The following OTOP2 variants were observed in gnomAD, a reference collection of about 807,000 sequenced individuals.
OTOP2 encodes the protein otopetrin 2.
Under a neutral mutation model 47.4 loss-of-function variants are expected in OTOP2, and 41 were observed. The ratio of observed to expected loss-of-function variants is 0.87; its 90% confidence interval spans 0.67 to 1.12. The LOEUF (loss-of-function observed/expected upper bound fraction) is 1.12, where lower values mean the gene tolerates loss of function less well. OTOP2 is among the 50% of genes most tolerant of loss of function. OTOP2 has a pLI of 0.00. For synonymous variants in OTOP2, 328 were observed against 319.6 expected (o/e 1.03, Z -0.28); for missense variants, 721 against 752.2 (o/e 0.96, Z 0.49).
chr17:74,926,213 C>T (rs2039007051), intron 3 of OTOP2, among the ~76,000 whole-genome samples: 1 of 152,166 alleles, frequency 6.6e-6, no homozygotes, highest in African/African-American at 2.4e-5. Flanking sequence ...AGAACAGCCC[C>T]CAGCCCTCTA....
intron 3 of OTOP2, 95 bp downstream of exon 3, chr17:74,925,787 C>T: frequency 2.0e-6 from 3 of 1,537,774 alleles, no homozygotes; most frequent in East Asian, 4.5e-5. Context: ...GCTCCATCCG[C>T]CTCGTATCCT....
chr17:74,933,772 A>C lies in OTOP2; in HGVS notation c.*227A>C, dbSNP rs1316304317. The C allele has an allele frequency of 8.6e-6, 4 of 466,196 alleles. No homozygotes were observed. Among genetic ancestry groups the C allele is most frequent in the African/African-American group, 7.7e-5 (4 of 51,988 alleles). 28.9% of individuals were successfully genotyped at this position (466,196 alleles called of 1,614,324 possible). A position where few individuals can be genotyped will look rare whatever the true frequency, so the allele number is the denominator to read the frequency against. On this transcript the variant is annotated 3_prime_UTR_variant, in exon 7 of 7. Transcript: ENST00000331427. The surrounding 1 kb of genome is among the most constrained non-coding windows in gnomAD (Gnocchi z 4.7). ...CCGTGGGGCATGAGGTGACTGGGGA[A>C]GGGAGACCTCTCCTGGCAGCATTTC... is the stretch of plus-strand genomic sequence containing the variant.
At chr17:74,925,511 G>A in intron 2 of OTOP2, 45 bp from the exon 3 acceptor site, 1 of 1,603,442 alleles carries the variant, frequency 6.2e-7, no homozygotes, top group Non-Finnish European at 8.5e-7. Context: ...CTTCTCTCCT[G>A]CCTCTTTGAT....
At chr17:74,931,942 T>G in intron 6 of OTOP2, among the ~76,000 whole-genome samples, 1 of 117,528 alleles carries the variant, frequency 8.5e-6, no homozygotes, top group East Asian at 2.3e-4. Context: ...TGCAACAGAG[T>G]GACACTCTGT....
Position 74,930,677 on chromosome 17 carries a change from A to G in OTOP2, c.1042A>G (p.Ile348Val), listed in dbSNP as rs2039048227. 6.2e-7 allele frequency: 1 copy of G among 1,613,922 alleles called. No homozygotes were observed. The highest frequency in any genetic ancestry group is 1.3e-5 in the African/African-American group (1 of 74,892). The change falls in exon 6 of 7, where the codon ATC becomes GTC. Residue 348 changes from isoleucine to valine, a missense_variant. Coordinates refer to ENST00000331427, the MANE Select transcript of OTOP2 (RefSeq NM_178160.3). This position sits in a 1 kb window ranked among gnomAD's most constrained non-coding sequence, Gnocchi z 4.0. ...CACCTTGGTCAGCCTGAGCGGCTCC[A>G]TCATCTACCGTTTTGACCGCCGGGC... Reference protein sequence around the residue: ...LTTLVSLSGSIIYRFDRRAMD... With the variant: ...LTTLVSLSGSVIYRFDRRAMD...
chr17:74,928,014 G>A, intron 5 of OTOP2: 1 of 608,000 alleles, frequency 1.6e-6, no homozygotes, highest in Non-Finnish European at 2.7e-6. Flanking sequence ...TGAGGCTGCA[G>A]CCCAGGCCCC....
rs34788249 is a variant in OTOP2 at position 74,933,465 on chromosome 17, G to A, written c.1609G>A (p.Val537Ile). The A allele has an allele frequency of 9.2e-3, 14,876 of 1,614,154 alleles. 94 individuals are homozygous for A. Among genetic ancestry groups the A allele is most frequent in the Middle Eastern group, 0.013 (76 of 6,062 alleles). Residue 537 changes from valine to isoleucine, a missense_variant, in exon 7 of 7, where the codon GTC becomes ATC. Coordinates refer to ENST00000331427, the MANE Select transcript of OTOP2 (RefSeq NM_178160.3). The surrounding 1 kb of genome is among the most constrained non-coding windows in gnomAD (Gnocchi z 4.7). ...CGGCTACTCCCTCTGGGCGGTCATC[G>A]TCAACATCTGCCTCCCTTTCGGCAT... is the stretch of plus-strand genomic sequence containing the variant. The part of the protein sequence containing the change: ...FYGYSLWAVI[V>I]NICLPFGIFY...
Position 74,930,299 on chromosome 17 carries a change from G to A in OTOP2, c.664G>A (p.Gly222Arg), listed in dbSNP as rs760162062. ...ISDQHADNPV[G>R]GDSCLCSTAV... Reference sequence around the variant, plus strand: ...AACAGAGCATGCAGACAACCCGGTCGGAGGAGACTCCTGCCTCTGCAGCAC... The same window carrying A: ...AACAGAGCATGCAGACAACCCGGTCAGAGGAGACTCCTGCCTCTGCAGCAC... Residue 222 changes from glycine (G) to arginine (R), a missense_variant, in exon 6 of 7, where the codon GGA (glycine) becomes AGA (arginine). Physicochemically the swap from Gly to Arg is moderately radical, Grantham distance 125. Transcript: ENST00000331427. The surrounding 1 kb of genome is among the most constrained non-coding windows in gnomAD (Gnocchi z 4.0). 79 of 1,613,232 alleles carry A rather than the reference G, an allele frequency of 4.9e-5. No individual in the cohort carries two copies. Among genetic ancestry groups the A allele is most frequent in the Non-Finnish European group, 6.0e-5 (71 of 1,179,334 alleles).
rs1567945811 is a variant in OTOP2 at position 74,931,009 on chromosome 17, C to CCT, written c.1374_1375insCT (p.Ala459LeufsTer36). ...ACCTGGATGCCCTCCACACGTTGTCCGCCTGCCCACCCAACCCCGGGCTGG... is the reference window on the plus strand; with the variant it reads ...ACCTGGATGCCCTCCACACGTTGTCCCTGCCTGCCCACCCAACCCCGGGCTGG... On this transcript the variant is annotated frameshift_variant, in exon 6 of 7. Coordinates refer to ENST00000331427, the MANE Select transcript of OTOP2 (RefSeq NM_178160.3). LOFTEE classifies it high-confidence loss of function. 6.2e-7 allele frequency: 1 copy of CCT among 1,614,114 alleles called. No homozygotes were observed. Among genetic ancestry groups the CCT allele is most frequent in the Middle Eastern group, 1.6e-4 (1 of 6,062 alleles).
At chr17:74,925,077 G>T (rs1598590479) in intron 2 of OTOP2, 132 bp downstream of exon 2, 3 of 1,180,840 alleles carry the variant, frequency 2.5e-6, no homozygotes, top group East Asian at 5.2e-5. Context: ...AGGAGGACCG[G>T]AGGGTGAAGT....
chr17:74,925,010 C>G, intron 2 of OTOP2, 65 bp downstream of exon 2: 1 of 1,464,946 alleles, frequency 6.8e-7, no homozygotes. Flanking sequence ...AGGGCTCTCG[C>G]AGGAGTTGCA....
At position 74,931,166 on chromosome 17, in the gene OTOP2, G is replaced by A. The variant is rs746419876; in HGVS notation, c.1518+13G>A. 6.4e-7 allele frequency: 1 copy of A among 1,565,836 alleles called. No individual in the cohort carries two copies. Among genetic ancestry groups the A allele is most frequent in the African/African-American group, 1.4e-5 (1 of 73,790 alleles). ...CTGCAATGTCATTGTGAGTAGCTGG[G>A]GGGAGAAAGGGTGGGCTTGGGAGAA... On this transcript the variant is annotated intron_variant, in intron 6 of 6. Transcript: ENST00000331427.
rs1038802863 is a variant in OTOP2 at position 74,924,444 on chromosome 17, T to TC, written c.-34+113dup. 1 of 629,098 alleles carries TC rather than the reference T, an allele frequency of 1.6e-6. No homozygotes were observed. Among genetic ancestry groups the TC allele is most frequent in the African/African-American group, 1.9e-5 (1 of 53,652 alleles). 39.0% of individuals were successfully genotyped at this position (629,098 alleles called of 1,614,324 possible). A position where few individuals can be genotyped will look rare whatever the true frequency, so the allele number is the denominator to read the frequency against. On this transcript the variant is annotated intron_variant, in intron 1 of 6. Transcript: ENST00000331427. This position sits in a 1 kb window ranked among gnomAD's most constrained non-coding sequence, Gnocchi z 7.7. Reference sequence around the variant, plus strand: ...TTCCCATCCAGCGAGAGGGGCAGGTTCCGCATTTTCTCTTCCCCTTTCCCA... The same window carrying TC: ...TTCCCATCCAGCGAGAGGGGCAGGTTCCCGCATTTTCTCTTCCCCTTTCCCA...
Position 74,930,743 on chromosome 17 carries a change from G to A in OTOP2, c.1108G>A (p.Ala370Thr). ...HKNPTRTLDV[A>T]LLMGAALGQY... is the part of the protein sequence containing the mutation. ...GAACCCCACGCGCACTCTGGACGTG[G>A]CCCTGCTGATGGGTGCCGCCCTGGG... Residue 370 changes from alanine (A) to threonine (T), a missense_variant, in exon 6 of 7, where the codon GCC becomes ACC. Transcript: ENST00000331427. This position sits in a 1 kb window ranked among gnomAD's most constrained non-coding sequence, Gnocchi z 4.0. 1 of 1,614,076 alleles carries A rather than the reference G, an allele frequency of 6.2e-7. No individual in the cohort carries two copies. Among genetic ancestry groups the A allele is most frequent in the African/African-American group, 1.3e-5 (1 of 75,004 alleles).
Position 74,930,208 on chromosome 17 carries a change from C to A in OTOP2, c.644-71C>A. On this transcript the variant is annotated intron_variant, in intron 5 of 6. Transcript: ENST00000331427. This position sits in a 1 kb window ranked among gnomAD's most constrained non-coding sequence, Gnocchi z 4.0. ...CAAAACAAAACAAAAAAAAAAAGGT[C>A]ACAGGCTAGGGGTGAGACCTCTCTA... The A allele has an allele frequency of 6.7e-7, 1 of 1,482,624 alleles. No homozygotes were observed. Among genetic ancestry groups the A allele is most frequent in the South Asian group, 1.3e-5 (1 of 74,094 alleles). 91.8% of individuals were successfully genotyped at this position (1,482,624 alleles called of 1,614,324 possible). A position where few individuals can be genotyped will look rare whatever the true frequency, so the allele number is the denominator to read the frequency against.
chr17:74,930,113 G>T lies in OTOP2; in HGVS notation c.644-166G>T, dbSNP rs1180109934. ...CAGGAGAATGGCTTGAATCCGGGAGGTGAAGCTTGCAGTGAGCCAAGATCA... is the reference window on the plus strand; with the variant it reads ...CAGGAGAATGGCTTGAATCCGGGAGTTGAAGCTTGCAGTGAGCCAAGATCA... On this transcript the variant is annotated intron_variant, in intron 5 of 6. Coordinates refer to ENST00000331427, the MANE Select transcript of OTOP2 (RefSeq NM_178160.3). This position sits in a 1 kb window ranked among gnomAD's most constrained non-coding sequence, Gnocchi z 4.0. Among the ~76,000 whole-genome samples, 2 of 152,132 alleles carry T rather than the reference G, an allele frequency of 1.3e-5. No homozygotes were observed. Among genetic ancestry groups the T allele is most frequent in the Non-Finnish European group, 2.9e-5 (2 of 68,016 alleles).
chr17:74,931,510 T>C (rs919969198), intron 6 of OTOP2, among the ~76,000 whole-genome samples: 1 of 152,156 alleles, frequency 6.6e-6, no homozygotes, highest in African/African-American at 2.4e-5. Flanking sequence ...TCCTGGGAAC[T>C]TGTGATCTGC....
chr17:74,927,368 C>A (rs1244204677), intron 4 of OTOP2, 87 bp downstream of exon 4: 13 of 1,445,776 alleles, frequency 9.0e-6, no homozygotes, highest in Non-Finnish European at 1.3e-5. Context: ...GGGGCAGGGC[C>A]TCTCTTTATG....
chr17:74,925,261 G>C (rs1350611536), intron 2 of OTOP2, among the ~76,000 whole-genome samples: 1 of 152,102 alleles, frequency 6.6e-6, no homozygotes, highest in Non-Finnish European at 1.5e-5. Context: ...AGCTCAGCCA[G>C]GGCCCTTTGC....
Sources: allele counts gnomAD v4.1 joint callset (sites outside exome capture counted in the v4.1 genomes callset), GRCh38; gene constraint gnomAD v4.1.1; non-coding constraint Gnocchi (gnomAD v3.1); transcripts MANE v1.5; gene names NCBI Gene and HGNC (gene_info 2026-07-23, HGNC 2026-07-21).